The following MAGI1 variants were observed in gnomAD, a reference collection of about 807,000 sequenced individuals.
MAGI1 encodes membrane associated guanylate kinase, WW and PDZ domain containing 1.
In MAGI1, 58 loss-of-function variants were observed where a neutral mutation model predicts 139.9. The observed-to-expected ratio is 0.41, with a 90% CI of 0.34 to 0.52. The LOEUF is 0.52. Ranked by LOEUF, MAGI1 falls within the 20% of genes least tolerant of loss-of-function variation. MAGI1 has a pLI of 0.12. For synonymous variants in MAGI1, 812 were observed against 737.9 expected, an observed-to-expected ratio of 1.10 and a Z score of -1.63; for missense variants, 1,874 against 1,901.6, an observed-to-expected ratio of 0.99 and a Z score of 0.27.
At chr3:65,838,032 C>T (rs1048515459) in intron 1 of MAGI1, among the ~76,000 whole-genome samples, 3 of 152,126 alleles carry the variant, frequency 2.0e-5, no homozygotes, top group Non-Finnish European at 4.4e-5. Flanking sequence ...ACTTCAAAGC[C>T]GGAAAACTGG....
intron 1 of MAGI1, among the ~76,000 whole-genome samples, chr3:65,696,490 T>A (rs1165410402): frequency 6.6e-6 from 1 of 152,142 alleles, no homozygotes; most frequent in African/African-American, 2.4e-5. Flanking sequence ...GGAGTCCCCA[T>A]TAAATATTTG....
At chr3:65,401,939 T>C in intron 12 of MAGI1, 1 of 980,104 alleles carries the variant, frequency 1.0e-6, no homozygotes, top group Non-Finnish European at 1.2e-6. Context: ...AAAAAAATTT[T>C]TTTGGTCTTT....
chr3:65,810,021 C>T (rs2041123404), intron 1 of MAGI1, among the ~76,000 whole-genome samples: 1 of 152,112 alleles, frequency 6.6e-6, no homozygotes. Flanking sequence ...CACAGACACA[C>T]ACTTCTCTAT....
intron 1 of MAGI1, among the ~76,000 whole-genome samples, chr3:65,667,596 G>T (rs1268138785): frequency 6.6e-6 from 1 of 152,076 alleles, no homozygotes; most frequent in Non-Finnish European, 1.5e-5. Context: ...TTATGAGACA[G>T]GATCTCATTT....
chr3:65,876,519 A>G (rs928421516), intron 1 of MAGI1, among the ~76,000 whole-genome samples: 3 of 152,184 alleles, frequency 2.0e-5, no homozygotes, highest in Non-Finnish European at 4.4e-5. Flanking sequence ...ATAACAGAAA[A>G]TAACAATAGA....
At chr3:65,732,151 A>C (rs546889213) in intron 1 of MAGI1, among the ~76,000 whole-genome samples, 3 of 152,344 alleles carry the variant, frequency 2.0e-5, no homozygotes, top group South Asian at 2.1e-4. Flanking sequence ...GAGGGCACCA[A>C]CCTCAGAGAG....
chr3:65,530,774 C>CACGTATATATATATAT (rs1559642935), intron 2 of MAGI1, among the ~76,000 whole-genome samples: 20 of 12,544 alleles, frequency 1.6e-3, no homozygotes, highest in African/African-American at 7.9e-3. Flanking sequence ...TATATATATA[C>CACGTATATATATATAT]ACACATATAT....
At chr3:65,860,934 A>T (rs756587814) in intron 1 of MAGI1, among the ~76,000 whole-genome samples, 15 of 152,232 alleles carry the variant, frequency 9.9e-5, no homozygotes, top group Non-Finnish European at 2.1e-4. Flanking sequence ...ACCATTTCAA[A>T]GTAACAAACA....
intron 2 of MAGI1, among the ~76,000 whole-genome samples, chr3:65,500,880 G>A (rs961529459): frequency 1.3e-5 from 2 of 152,162 alleles, no homozygotes; most frequent in African/African-American, 2.4e-5. Context: ...AACTGCTTAC[G>A]TGTTAAGAAC....
intron 1 of MAGI1, among the ~76,000 whole-genome samples, chr3:65,646,673 G>A (rs2085281907): frequency 6.6e-6 from 1 of 151,916 alleles, no homozygotes; most frequent in African/African-American, 2.4e-5. Context: ...CTCAACAAAT[G>A]TTAAGCGTCG....
intron 1 of MAGI1, among the ~76,000 whole-genome samples, chr3:65,920,047 T>A (rs1035765835): frequency 2.0e-5 from 3 of 152,202 alleles, no homozygotes; most frequent in Admixed American, 1.3e-4. Flanking sequence ...CAGACTAGAC[T>A]TGGAAAGCTC....
chr3:65,925,576 T>TA (rs2062457452), intron 1 of MAGI1, among the ~76,000 whole-genome samples: 1 of 152,198 alleles, frequency 6.6e-6, no homozygotes. Flanking sequence ...GAACACTAAA[T>TA]ACTCCTTTAA....
chr3:65,394,155 A>C (rs888007545), intron 13 of MAGI1, among the ~76,000 whole-genome samples: 8 of 152,192 alleles, frequency 5.3e-5, no homozygotes, highest in African/African-American at 1.4e-4. Context: ...TAGATCTCTT[A>C]CATTTAACTG....
chr3:65,801,660 C>T (rs1279826453), intron 1 of MAGI1, among the ~76,000 whole-genome samples: 1 of 152,206 alleles, frequency 6.6e-6, no homozygotes, highest in Non-Finnish European at 1.5e-5. Flanking sequence ...TGGCTCTCAA[C>T]TCTTTAAAAA....
At chr3:65,670,324 A>C (rs929625124) in intron 1 of MAGI1, among the ~76,000 whole-genome samples, 3 of 146,888 alleles carry the variant, frequency 2.0e-5, no homozygotes, top group Non-Finnish European at 4.5e-5. Context: ...ACATACACAC[A>C]TATATAACAC....
intron 1 of MAGI1, among the ~76,000 whole-genome samples, chr3:65,997,855 A>G (rs990239283): frequency 6.6e-6 from 1 of 152,074 alleles, no homozygotes; most frequent in East Asian, 1.9e-4. Context: ...GTCTCACAAG[A>G]CAAGGCAAAA....
chr3:65,969,019 AT>A lies in MAGI1; in HGVS notation c.313+68976del, dbSNP rs2064891598. Among the ~76,000 whole-genome samples, 3 of 152,352 alleles carry A rather than the reference AT, an allele frequency of 2.0e-5. No homozygotes were observed. The South Asian group carries it at 6.2e-4, about 32-fold the overall frequency. On this transcript the variant is annotated intron_variant, in intron 1 of 22. Coordinates refer to ENST00000402939, the MANE Select transcript of MAGI1 (RefSeq NM_001033057.2). ...AAAGAAGGACTACGTAATTTGCTGT[AT>A]TAGGAACATTTAGCAAAAGGCTAAC...
intron 1 of MAGI1, among the ~76,000 whole-genome samples, chr3:66,027,150 C>T (rs2107579556): frequency 6.6e-6 from 1 of 151,972 alleles, no homozygotes; most frequent in Non-Finnish European, 1.5e-5. Flanking sequence ...TGCCTGTAGT[C>T]TCAGCTACTC....
chr3:65,943,559 C>A (rs959315499), intron 1 of MAGI1, among the ~76,000 whole-genome samples: 8 of 149,466 alleles, frequency 5.4e-5, no homozygotes, highest in African/African-American at 2.5e-5. Flanking sequence ...GGTGACAGTG[C>A]GAGACTCCAT....
Sources: allele counts gnomAD v4.1 joint callset (sites outside exome capture counted in the v4.1 genomes callset), GRCh38; gene constraint gnomAD v4.1.1; transcripts MANE v1.5; gene names NCBI Gene and HGNC (gene_info 2026-07-23, HGNC 2026-07-21).